AUTS2: variants seen among roughly 807,000 people sequenced by gnomAD.
The protein encoded by AUTS2 is activator of transcription and developmental regulator AUTS2, also known as autism susceptibility gene 2 protein.
Under a neutral mutation model 112.4 loss-of-function variants are expected in AUTS2, and 17 were observed. The ratio of observed to expected loss-of-function variants is 0.15; its 90% CI spans 0.10 to 0.23. The LOEUF (loss-of-function observed/expected upper bound fraction) is 0.23. Among genes scored for constraint, AUTS2 ranks in the 10% least tolerant of loss-of-function variants. The pLI is 1.00. For missense variants in AUTS2, 1,510 were observed against 1,701.6 expected (o/e 0.89, Z 1.98); for synonymous variants, 751 against 702.7 (o/e 1.07, Z -1.09).
chr7:70,626,743 C>A (rs1277938687), intron 5 of AUTS2, among the ~76,000 whole-genome samples: 1 of 152,166 alleles, frequency 6.6e-6, no homozygotes. Context: ...TTAGCCCCCA[C>A]TTACAAATGA....
intron 6 of AUTS2, among the ~76,000 whole-genome samples, chr7:70,757,558 G>T (rs192780220): frequency 5.3e-5 from 8 of 152,016 alleles, no homozygotes; most frequent in African/African-American, 1.4e-4. Flanking sequence ...GGATTATTGA[G>T]TACTTTTTCC....
chr7:70,359,019 A>C (rs1380964147), intron 4 of AUTS2, among the ~76,000 whole-genome samples: 1 of 152,220 alleles, frequency 6.6e-6, no homozygotes, highest in African/African-American at 2.4e-5. Context: ...TTGTGTAAGA[A>C]GTCTGTTTTT....
intron 5 of AUTS2, among the ~76,000 whole-genome samples, chr7:70,619,810 A>T (rs1804575413): frequency 6.6e-6 from 1 of 152,054 alleles, no homozygotes; most frequent in Non-Finnish European, 1.5e-5. Flanking sequence ...CCATGCTATC[A>T]CTGTCTCCCT....
rs1180782766 is a variant in AUTS2 at position 69,796,911 on chromosome 7, GT to G, written c.310-102372del. Among the ~76,000 whole-genome samples, 8 of 152,256 alleles carry G rather than the reference GT, an allele frequency of 5.3e-5. No individual in the cohort carries two copies. The East Asian group carries it at 1.5e-3, about 29-fold the overall frequency. ...TATTTGCCCTGATTATCAGAGTGTT[GT>G]TTGAGATTAAAGTGGTCTAGCTTGG... On this transcript the variant is annotated intron_variant, in intron 1 of 18. Transcript: ENST00000342771.
chr7:69,720,106 G>A (rs553684914), intron 1 of AUTS2, among the ~76,000 whole-genome samples: 2 of 152,266 alleles, frequency 1.3e-5, no homozygotes, highest in Non-Finnish European at 2.9e-5. Flanking sequence ...TAAGTAATTT[G>A]GCATGGTAAT....
intron 5 of AUTS2, among the ~76,000 whole-genome samples, chr7:70,637,653 C>T (rs191567713): frequency 6.6e-6 from 1 of 152,294 alleles, no homozygotes; most frequent in East Asian, 1.9e-4. Context: ...AGGCGTTGTT[C>T]TTCCCACATT....
intron 2 of AUTS2, among the ~76,000 whole-genome samples, chr7:70,108,019 A>G (rs958669080): frequency 1.3e-5 from 2 of 151,878 alleles, no homozygotes; most frequent in Non-Finnish European, 1.5e-5. Flanking sequence ...TCAAAAAAAA[A>G]AAAAAAGTTT....
intron 2 of AUTS2, among the ~76,000 whole-genome samples, chr7:69,976,022 A>G (rs1267541560): frequency 6.6e-6 from 1 of 152,200 alleles, no homozygotes; most frequent in Non-Finnish European, 1.5e-5. Flanking sequence ...GATGTATTTA[A>G]TGAAATTTAC....
At chr7:69,917,856 T>TTGTTGC (rs1180054581) in intron 2 of AUTS2, among the ~76,000 whole-genome samples, 2 of 151,254 alleles carry the variant, frequency 1.3e-5, no homozygotes, top group African/African-American at 4.9e-5. Flanking sequence ...GTTGTTGTTG[T>TTGTTGC]TGTTGCGACG....
chr7:70,610,547 C>T (rs574150012), intron 5 of AUTS2, among the ~76,000 whole-genome samples: 7 of 150,320 alleles, frequency 4.7e-5, no homozygotes, highest in South Asian at 2.1e-4. Flanking sequence ...GCTTTCCCCC[C>T]ACTTCAGCCA....
chr7:70,527,221 A>T (rs867084559), intron 5 of AUTS2, among the ~76,000 whole-genome samples: 4 of 152,152 alleles, frequency 2.6e-5, no homozygotes, highest in South Asian at 2.1e-4. Flanking sequence ...GTTGAAGCAT[A>T]CTCCAGAATG....
At chr7:70,395,005 A>G (rs530367132) in intron 4 of AUTS2, among the ~76,000 whole-genome samples, 40 of 152,240 alleles carry the variant, frequency 2.6e-4, no homozygotes, top group Non-Finnish European at 5.1e-4. Context: ...CTTTCATTTA[A>G]TCATTCTCAT....
chr7:69,654,031 A>G (rs1442960107), intron 1 of AUTS2, among the ~76,000 whole-genome samples: 1 of 152,196 alleles, frequency 6.6e-6, no homozygotes, highest in Non-Finnish European at 1.5e-5. Context: ...ATTCTGTGCT[A>G]ATAGTTCTCA....
chr7:70,780,096 G>A (rs971045606), intron 14 of AUTS2, among the ~76,000 whole-genome samples: 2 of 152,052 alleles, frequency 1.3e-5, no homozygotes, highest in Non-Finnish European at 2.9e-5. Flanking sequence ...AGACTGATGG[G>A]GAAGAGGTCA....
Position 70,480,334 on chromosome 7 carries a change from T to G in AUTS2, c.690+44553T>G, listed in dbSNP as rs148855465. On this transcript the variant is annotated intron_variant, in intron 5 of 18. Transcript: ENST00000342771. ...TAGAAGTCTCATCTTAAGGGACATA[T>G]AGAATGTTGAGGTAGAAATAGCTCA... is the stretch of plus-strand genomic sequence containing the variant. Among the ~76,000 whole-genome samples the G allele has an allele frequency of 6.8e-3, 1,033 of 152,302 alleles. 5 individuals carry two copies. The highest frequency in any genetic ancestry group is 0.024 in the African/African-American group (990 of 41,552).
intron 1 of AUTS2, among the ~76,000 whole-genome samples, chr7:69,745,605 A>G (rs1787456021): frequency 6.6e-6 from 1 of 152,212 alleles, no homozygotes; most frequent in Non-Finnish European, 1.5e-5. Flanking sequence ...CCATTCTTGC[A>G]TGCAAATTTA....
At chr7:69,750,983 G>A (rs989753024) in intron 1 of AUTS2, among the ~76,000 whole-genome samples, 2 of 151,994 alleles carry the variant, frequency 1.3e-5, no homozygotes, top group Admixed American at 1.3e-4. Context: ...AAAATAAGGA[G>A]GGATAACAGC....
At position 69,876,533 on chromosome 7, in the gene AUTS2, TATATATATATA is replaced by T. The variant is rs2129536896; in HGVS notation, c.310-22752_310-22742del. Among the ~76,000 whole-genome samples the T allele has an allele frequency of 3.3e-4, 17 of 51,738 alleles. No homozygotes were observed. The South Asian group carries it at 6.0e-3, about 18-fold the overall frequency. The allele number at this position is 51,738 out of a possible 152,430, so 33.9% of individuals were successfully genotyped here. A position where few individuals can be genotyped will look rare whatever the true frequency, so the allele number is the denominator to read the frequency against. Reference sequence around the variant, plus strand: ...ATATATATATATATATATATATATATATATATATATATTTTCAGTGTTCATATAACAAATTT... The same window carrying T: ...ATATATATATATATATATATATATATTTTTCAGTGTTCATATAACAAATTT... On this transcript the variant is annotated intron_variant, in intron 1 of 18. Transcript: ENST00000342771.
At chr7:69,614,873 C>G (rs773793924) in intron 1 of AUTS2, among the ~76,000 whole-genome samples, 4 of 152,178 alleles carry the variant, frequency 2.6e-5, no homozygotes, top group African/African-American at 4.8e-5. Context: ...CCAACTGTCT[C>G]AATAAACACA....
Sources: allele counts gnomAD v4.1 joint callset (sites outside exome capture counted in the v4.1 genomes callset), GRCh38; gene constraint gnomAD v4.1.1; transcripts MANE v1.5; gene names NCBI Gene and HGNC (gene_info 2026-07-23, HGNC 2026-07-21).